MYO5B: variants seen among roughly 807,000 people sequenced by gnomAD.
MYO5B encodes myosin VB.
MYO5B carries 143 observed loss-of-function variants against 229.3 expected under a neutral mutation model. The ratio of observed to expected loss-of-function variants is 0.62; its 90% confidence interval spans 0.54 to 0.72. The LOEUF is 0.72. Ranked by LOEUF, MYO5B falls within the 30% of genes least tolerant of loss-of-function variation. MYO5B has a pLI of 0.00. For missense variants in MYO5B, 2,321 were observed against 2,331.0 expected (o/e 1.00, Z 0.09); for synonymous variants, 918 against 885.2 (o/e 1.04, Z -0.66).
At chr18:49,937,156 T>G in intron 15 of MYO5B, 89 bp downstream of exon 15, 1 of 1,509,510 alleles carries the variant, frequency 6.6e-7, no homozygotes, top group African/African-American at 1.4e-5. Flanking sequence ...CTGTGATGGC[T>G]TCCCTCTCAC....
intron 1 of MYO5B, among the ~76,000 whole-genome samples, chr18:50,172,607 G>A (rs980675791): frequency 2.0e-5 from 3 of 152,210 alleles, no homozygotes; most frequent in African/African-American, 7.2e-5. Context: ...CCTATAAAGT[G>A]AAACTATGGT....
At chr18:50,047,240 C>T (rs949539729) in intron 2 of MYO5B, among the ~76,000 whole-genome samples, 36 of 147,628 alleles carry the variant, frequency 2.4e-4, no homozygotes, top group African/African-American at 7.4e-4. Context: ...AACAAATTTA[C>T]AAGAAAAAAA....
rs186795244 is a variant in MYO5B at position 49,865,300 on chromosome 18, T to C, written c.3604-920A>G. 1.5e-4 allele frequency among the ~76,000 whole-genome samples: 23 copies of C among 152,314 alleles called. 1 individual carries two copies. Among genetic ancestry groups the C allele is most frequent in the South Asian group, 1.5e-3 (7 of 4,824 alleles). The stretch of plus-strand genomic sequence containing the variant: ...ACCCAGGACAGAGGGCCAGGGCTCC[T>C]GACTCCTGGTCCAGGGCGCCCCTGT... On this transcript the variant is annotated intron_variant, in intron 27 of 39. Transcript: ENST00000285039.
intron 22 of MYO5B, among the ~76,000 whole-genome samples, chr18:49,881,975 G>A (rs2144110313): frequency 6.6e-6 from 1 of 152,240 alleles, no homozygotes; most frequent in South Asian, 2.1e-4. Flanking sequence ...TATAACATGG[G>A]GGCTAAATTG....
intron 1 of MYO5B, among the ~76,000 whole-genome samples, chr18:50,112,416 C>T (rs1599029664): frequency 6.6e-6 from 1 of 152,206 alleles, no homozygotes; most frequent in African/African-American, 2.4e-5. Context: ...AAGACGTCCC[C>T]ATCAAGAGGC....
chr18:49,937,051 CCT>C (rs1397256169), intron 15 of MYO5B, among the ~76,000 whole-genome samples, 192 bp downstream of exon 15: 1 of 152,200 alleles, frequency 6.6e-6, no homozygotes, highest in Non-Finnish European at 1.5e-5. Flanking sequence ...TTCCCTCCTC[CCT>C]CTGTTAGTTC....
At chr18:50,132,329 T>C (rs1326286997) in intron 1 of MYO5B, among the ~76,000 whole-genome samples, 1 of 152,240 alleles carries the variant, frequency 6.6e-6, no homozygotes, top group Non-Finnish European at 1.5e-5. Flanking sequence ...TGTGTGACCT[T>C]ATCCAAGTTA....
chr18:50,064,500 T>C (rs1165702270), intron 1 of MYO5B: 1 of 152,212 alleles, frequency 6.6e-6, no homozygotes, highest in African/African-American at 2.4e-5. Flanking sequence ...AGTATATGAA[T>C]TAAGCAATCT....
At position 50,069,646 on chromosome 18, in the gene MYO5B, G is replaced by A. The variant is rs1463788592; in HGVS notation, c.28-14268C>T. On this transcript the variant is annotated intron_variant, in intron 1 of 39. Transcript: ENST00000285039. Reference sequence around the variant, plus strand: ...AGTTTTCAAAGGGCTTATGCAAATAGTAATTCCTAGAATTCCATGGGACAG... The same window carrying A: ...AGTTTTCAAAGGGCTTATGCAAATAATAATTCCTAGAATTCCATGGGACAG... 2.0e-5 allele frequency among the ~76,000 whole-genome samples: 3 copies of A among 152,130 alleles called. No individual in the cohort carries two copies. In the East Asian group the frequency reaches 5.8e-4, roughly 29 times the overall value.
intron 1 of MYO5B, among the ~76,000 whole-genome samples, chr18:50,096,263 GA>G: frequency 6.6e-6 from 1 of 152,240 alleles, no homozygotes; most frequent in South Asian, 2.1e-4. Flanking sequence ...GCATTTTGGG[GA>G]AAACAAGGAT....
chr18:49,888,373 G>A (rs1198795539), intron 22 of MYO5B, among the ~76,000 whole-genome samples: 1 of 152,148 alleles, frequency 6.6e-6, no homozygotes, highest in East Asian at 1.9e-4. Flanking sequence ...GATTCAGAAG[G>A]AAAAGAAGGT....
intron 26 of MYO5B, among the ~76,000 whole-genome samples, chr18:49,873,293 C>T (rs747836251): frequency 2.6e-5 from 4 of 152,192 alleles, no homozygotes; most frequent in Non-Finnish European, 5.9e-5. Context: ...GTGTTAGTCC[C>T]TGATTAAGAT....
Position 49,937,545 on chromosome 18 carries a change from T to A in MYO5B, c.1753-148A>T, listed in dbSNP as rs1206092470. 3 of 946,206 alleles carry A rather than the reference T, an allele frequency of 3.2e-6. No homozygotes were observed. In the East Asian group the frequency reaches 8.0e-5, roughly 25 times the overall value. The allele number at this position is 946,206 out of a possible 1,614,324, so 58.6% of individuals were successfully genotyped here. ...ACACCAACCTGCACAGCAGCGTTAC[T>A]CCCAAAAGCGCCACAAGGTAGGAAC... is the stretch of plus-strand genomic sequence containing the variant. On this transcript the variant is annotated intron_variant, in intron 14 of 39. Coordinates refer to ENST00000285039, the MANE Select transcript of MYO5B (RefSeq NM_001080467.3).
chr18:49,911,931 G>A (rs1015659357), intron 18 of MYO5B, 131 bp downstream of exon 18: 2 of 784,746 alleles, frequency 2.5e-6, no homozygotes, highest in Non-Finnish European at 4.5e-6. Flanking sequence ...GTAGGAAAAT[G>A]GATTAATATC....
intron 4 of MYO5B, among the ~76,000 whole-genome samples, chr18:50,032,183 T>A (rs1215080999): frequency 6.6e-6 from 1 of 152,200 alleles, no homozygotes; most frequent in Non-Finnish European, 1.5e-5. Context: ...GTCTTTTTGT[T>A]TATAATAGCT....
chr18:49,899,897 G>A (rs2024821144), intron 21 of MYO5B, among the ~76,000 whole-genome samples: 1 of 151,420 alleles, frequency 6.6e-6, no homozygotes, highest in African/African-American at 2.4e-5. Context: ...TGTTTGCCAA[G>A]CAGGAAGCTT....
At chr18:50,006,771 G>A (rs758896554) in intron 4 of MYO5B, among the ~76,000 whole-genome samples, 19 of 152,118 alleles carry the variant, frequency 1.2e-4, no homozygotes, top group Non-Finnish European at 1.9e-4. Context: ...TGGCTGGCAG[G>A]GCACCTGAGG....
At chr18:49,961,732 C>T (rs2025561660) in intron 12 of MYO5B, among the ~76,000 whole-genome samples, 1 of 152,174 alleles carries the variant, frequency 6.6e-6, no homozygotes, top group South Asian at 2.1e-4. Context: ...AACCCAGATC[C>T]TCTAAACCTT....
intron 1 of MYO5B, among the ~76,000 whole-genome samples, chr18:50,120,901 T>C (rs1176248405): frequency 6.6e-6 from 1 of 152,126 alleles, no homozygotes; most frequent in East Asian, 1.9e-4. Flanking sequence ...AGGCTTCCAA[T>C]GTTTCAGGAG....
Sources: allele counts gnomAD v4.1 joint callset (sites outside exome capture counted in the v4.1 genomes callset), GRCh38; gene constraint gnomAD v4.1.1; transcripts MANE v1.5; gene names NCBI Gene and HGNC (gene_info 2026-07-23, HGNC 2026-07-21).